The following INVS variants were observed in gnomAD, a reference collection of about 807,000 sequenced individuals.
INVS encodes the protein inversion of embryo turning homolog.
In INVS, 86 loss-of-function variants were observed where a neutral mutation model predicts 108.8. The ratio of observed to expected loss-of-function variants is 0.79; its 90% CI spans 0.66 to 0.95. The LOEUF is 0.95. Ranked by LOEUF, INVS falls within the 40% of genes least tolerant of loss-of-function variation. The probability of loss-of-function intolerance (pLI) is 0.00; values close to 1 mark genes in which losing one functional copy is unlikely to be tolerated. For synonymous variants in INVS, 455 were observed against 473.5 expected (o/e 0.96, Z 0.51); for missense variants, 1,169 against 1,297.4 (o/e 0.90, Z 1.52).
intron 2 of INVS, among the ~76,000 whole-genome samples, chr9:100,122,827 G>A (rs746316910): frequency 5.3e-5 from 8 of 151,680 alleles, no homozygotes; most frequent in African/African-American, 7.3e-5. Context: ...CTCATGATTC[G>A]CCCGCCTTGG....
chr9:100,200,299 G>T lies in INVS; in HGVS notation c.274-25763G>T, dbSNP rs538194769. Among the ~76,000 whole-genome samples, 62 of 152,022 alleles carry T rather than the reference G, an allele frequency of 4.1e-4. No individual in the cohort carries two copies. The East Asian group carries it at 8.1e-3, about 20-fold the overall frequency. On this transcript the variant is annotated intron_variant, in intron 3 of 16. Coordinates refer to ENST00000262457, the MANE Select transcript of INVS (RefSeq NM_014425.5). ...GTTATCTTAAGATATCTTTATTTTG[G>T]TTTTTTTCTCTTGAAATTGAGTCCT... is the stretch of plus-strand genomic sequence containing the variant.
At chr9:100,145,528 A>G (rs1341552522) in intron 3 of INVS, among the ~76,000 whole-genome samples, 1 of 152,004 alleles carries the variant, frequency 6.6e-6, no homozygotes, top group East Asian at 1.9e-4. Context: ...TGCCCCCTAG[A>G]AAAGTGGTAC....
chr9:100,281,060 ATGC>A (rs900042168), intron 12 of INVS, among the ~76,000 whole-genome samples: 1 of 152,266 alleles, frequency 6.6e-6, no homozygotes, highest in African/African-American at 2.4e-5. Context: ...TCATTTTTAA[ATGC>A]TGCTAATGGT....
chr9:100,100,888 ATATATATTATATATG>A (rs1826911910), intron 1 of INVS, among the ~76,000 whole-genome samples: 5 of 45,844 alleles, frequency 1.1e-4, no homozygotes, highest in African/African-American at 2.8e-4. Context: ...TGTATATATA[ATATATATTATATATG>A]TATATATATT....
intron 3 of INVS, among the ~76,000 whole-genome samples, chr9:100,167,375 C>T (rs1421896012): frequency 1.3e-5 from 2 of 152,136 alleles, no homozygotes; most frequent in East Asian, 3.9e-4. Context: ...CCACTCTGAC[C>T]TCAGTGCTGT....
At chr9:100,227,514 ACAG>A (rs35800447) in intron 4 of INVS, among the ~76,000 whole-genome samples, 26,809 of 152,002 alleles carry the variant, frequency 0.18, 3,574 homozygotes, top group African/African-American at 0.38. Flanking sequence ...GTTGACGAGA[ACAG>A]CAGAAGAGAT....
chr9:100,259,287 T>C (rs1475759103), intron 10 of INVS, among the ~76,000 whole-genome samples: 1 of 152,118 alleles, frequency 6.6e-6, no homozygotes, highest in Non-Finnish European at 1.5e-5. Context: ...AGTATTAGGG[T>C]GGGAGTGTCC....
intron 3 of INVS, among the ~76,000 whole-genome samples, chr9:100,193,607 C>T (rs554197442): frequency 1.3e-5 from 2 of 152,238 alleles, no homozygotes; most frequent in South Asian, 4.1e-4. Context: ...CTCCACCCTC[C>T]CTCCCCAAGC....
At chr9:100,102,280 G>A (rs1338459663) in intron 1 of INVS, among the ~76,000 whole-genome samples, 7 of 151,974 alleles carry the variant, frequency 4.6e-5, no homozygotes, top group African/African-American at 1.2e-4. Context: ...TGTGTTTTTA[G>A]TAGGGACGGG....
chr9:100,273,953 G>A (rs1432965058), intron 12 of INVS, among the ~76,000 whole-genome samples: 1 of 152,082 alleles, frequency 6.6e-6, no homozygotes, highest in Non-Finnish European at 1.5e-5. Flanking sequence ...AGAGAAAATG[G>A]CAACTAAAAA....
intron 3 of INVS, among the ~76,000 whole-genome samples, chr9:100,216,853 A>C (rs1310985796): frequency 1.3e-5 from 2 of 151,892 alleles, no homozygotes; most frequent in Non-Finnish European, 2.9e-5. Flanking sequence ...CTTTAATCCC[A>C]CCTCTCACCA....
intron 10 of INVS, among the ~76,000 whole-genome samples, chr9:100,253,760 G>T (rs1298908028): frequency 1.3e-5 from 2 of 151,904 alleles, no homozygotes; most frequent in Admixed American, 6.6e-5. Context: ...TTTTTTTGTG[G>T]CTGCATAGTA....
At chr9:100,152,395 A>G (rs1372754529) in intron 3 of INVS, among the ~76,000 whole-genome samples, 1 of 152,204 alleles carries the variant, frequency 6.6e-6, no homozygotes, top group Non-Finnish European at 1.5e-5. Context: ...CTAATCTTTG[A>G]TATTAAAATA....
At chr9:100,167,804 T>A (rs1829414209) in intron 3 of INVS, among the ~76,000 whole-genome samples, 1 of 152,172 alleles carries the variant, frequency 6.6e-6, no homozygotes, top group South Asian at 2.1e-4. Flanking sequence ...ACTTCTAAAG[T>A]TATAGCTTTA....
chr9:100,260,668 C>T (rs771442560), intron 10 of INVS, among the ~76,000 whole-genome samples: 4 of 152,046 alleles, frequency 2.6e-5, no homozygotes, highest in Non-Finnish European at 5.9e-5. Context: ...TTATTATTCT[C>T]ATTTTACAGA....
chr9:100,107,181 A>G (rs545607948), intron 2 of INVS, among the ~76,000 whole-genome samples: 1 of 152,354 alleles, frequency 6.6e-6, no homozygotes, highest in African/African-American at 2.4e-5. Flanking sequence ...ACCTAGGTTA[A>G]GGAGCAGCAC....
intron 10 of INVS, among the ~76,000 whole-genome samples, chr9:100,256,486 T>C (rs1213228957): frequency 6.6e-6 from 1 of 152,240 alleles, no homozygotes; most frequent in Non-Finnish European, 1.5e-5. Context: ...CTTGCTTCTC[T>C]AGTTCTTTTA....
chr9:100,176,542 T>A (rs556899444), intron 3 of INVS, among the ~76,000 whole-genome samples: 13 of 152,234 alleles, frequency 8.5e-5, no homozygotes, highest in African/African-American at 3.1e-4. Context: ...AGTGGTGCGA[T>A]CTCAGCTCAC....
At chr9:100,103,939 C>T (rs1200971333) in intron 1 of INVS, among the ~76,000 whole-genome samples, 10 of 152,082 alleles carry the variant, frequency 6.6e-5, no homozygotes, top group Non-Finnish European at 1.0e-4. Flanking sequence ...TTTTGTGGAT[C>T]GGGCTCACTT....
Sources: gnomAD v4.1 joint callset for allele counts (sites outside exome capture counted in the v4.1 genomes callset) on GRCh38, gnomAD v4.1.1 for gene constraint, MANE v1.5 for transcripts, NCBI Gene and HGNC (gene_info 2026-07-23, HGNC 2026-07-21) for gene names.